Variants in ATAD2B observed in about 807,000 individuals in gnomAD.
The protein encoded by ATAD2B is ATPase family AAA domain-containing protein 2B.
In ATAD2B, 40 loss-of-function variants were observed where a neutral mutation model predicts 167.6. The ratio of observed to expected loss-of-function variants is 0.24; its 90% CI spans 0.19 to 0.31. The LOEUF is 0.31. ATAD2B is among the 10% of genes least tolerant of loss of function. The pLI is 1.00. For synonymous variants in ATAD2B, 579 were observed against 596.5 expected (o/e 0.97, Z 0.43); for missense variants, 1,242 against 1,757.2 (o/e 0.71, Z 5.24).
the ATAD2B span, among the ~76,000 whole-genome samples, chr2:23,699,052 T>C: frequency 1.3e-5 from 2 of 152,218 alleles, no homozygotes; most frequent in African/African-American, 2.4e-5. Flanking sequence ...ATAAGCTACA[T>C]ATCATTTGTC....
At chr2:23,886,602 T>C (rs1698688667) in intron 4 of ATAD2B, among the ~76,000 whole-genome samples, 1 of 152,122 alleles carries the variant, frequency 6.6e-6, no homozygotes, top group Non-Finnish European at 1.5e-5. Context: ...CTGGAAAGAC[T>C]CTTTTAGAAA....
chr2:23,713,617 C>T, the ATAD2B span, among the ~76,000 whole-genome samples: 1 of 152,158 alleles, frequency 6.6e-6, no homozygotes, highest in African/African-American at 2.4e-5. Flanking sequence ...TACTTTCTGT[C>T]TCTGTGGATT....
the ATAD2B span, chr2:23,696,382 C>G: frequency 1.3e-6 from 2 of 1,551,510 alleles, no homozygotes; most frequent in Admixed American, 3.9e-5. The surrounding 1 kb of genome is among the most constrained non-coding windows in gnomAD (Gnocchi z 5.5). Context: ...GCTACATGTC[C>G]CTGCTTGATA....
chr2:23,829,230 T>TC (rs1379804871), intron 14 of ATAD2B, among the ~76,000 whole-genome samples: 1 of 152,214 alleles, frequency 6.6e-6, no homozygotes, highest in Non-Finnish European at 1.5e-5. Context: ...ACTAAGTGAC[T>TC]CATCTGGGAC....
chr2:23,882,061 A>T (rs1290297862), intron 6 of ATAD2B, among the ~76,000 whole-genome samples: 1 of 152,170 alleles, frequency 6.6e-6, no homozygotes, highest in African/African-American at 2.4e-5. Flanking sequence ...ATCTAAGTAC[A>T]GTTAAAATAA....
chr2:23,768,097 CATT>C (rs1572672075), intron 22 of ATAD2B, among the ~76,000 whole-genome samples: 1 of 152,130 alleles, frequency 6.6e-6, no homozygotes, highest in South Asian at 2.1e-4. Flanking sequence ...CTGTAATCTG[CATT>C]ATTAACATAT....
chr2:23,824,479 CAACT>C (rs1221440397), intron 15 of ATAD2B, among the ~76,000 whole-genome samples: 2 of 152,108 alleles, frequency 1.3e-5, no homozygotes, highest in Admixed American at 1.3e-4. Flanking sequence ...TGAGTACAAC[CAACT>C]ATTAACATTC....
At chr2:23,788,404 C>T in intron 20 of ATAD2B, 108 bp downstream of exon 20, 2 of 1,249,830 alleles carry the variant, frequency 1.6e-6, no homozygotes, top group African/African-American at 1.5e-5. Context: ...CAGAACCTGA[C>T]AAACTGTCCT....
chr2:23,819,252 C>T (rs1416864973), intron 17 of ATAD2B, among the ~76,000 whole-genome samples: 2 of 152,116 alleles, frequency 1.3e-5, no homozygotes, highest in African/African-American at 4.8e-5. Flanking sequence ...AATCCCAGCA[C>T]TTCGGGAGTC....
At chr2:23,870,541 C>A (rs1695800488) in intron 8 of ATAD2B, among the ~76,000 whole-genome samples, 1 of 151,704 alleles carries the variant, frequency 6.6e-6, no homozygotes, top group Non-Finnish European at 1.5e-5. Flanking sequence ...CCACCTTGGC[C>A]TCCCAAAGTG....
chr2:23,776,487 A>G (rs1228200850), intron 22 of ATAD2B, among the ~76,000 whole-genome samples: 3 of 152,266 alleles, frequency 2.0e-5, no homozygotes, highest in Non-Finnish European at 4.4e-5. Flanking sequence ...TTATACACAG[A>G]GAATATTTAA....
intron 21 of ATAD2B, 109 bp downstream of exon 21, chr2:23,785,918 G>T: frequency 1.1e-6 from 1 of 923,168 alleles, no homozygotes; most frequent in Non-Finnish European, 1.6e-6. Context: ...ATAGGCTAGG[G>T]GTAATATTCA....
chr2:23,794,299 C>G (rs1682264036), intron 19 of ATAD2B, among the ~76,000 whole-genome samples: 2 of 152,216 alleles, frequency 1.3e-5, no homozygotes, highest in South Asian at 4.1e-4. Context: ...CATGGGCCAC[C>G]ACATCCAGCC....
chr2:23,876,970 G>A (rs1696946361), intron 7 of ATAD2B, among the ~76,000 whole-genome samples: 1 of 151,388 alleles, frequency 6.6e-6, no homozygotes, highest in Non-Finnish European at 1.5e-5. Flanking sequence ...GGGAGGCTGA[G>A]GCAGAAGAAT....
chr2:23,842,345 G>A (rs1691051789), intron 13 of ATAD2B, among the ~76,000 whole-genome samples: 1 of 151,928 alleles, frequency 6.6e-6, no homozygotes. Context: ...CTACTTGCAG[G>A]TTATAATAAA....
chr2:23,908,938 T>C (rs190968267), intron 1 of ATAD2B, among the ~76,000 whole-genome samples: 123 of 127,274 alleles, frequency 9.7e-4, no homozygotes, highest in African/African-American at 3.6e-3. Context: ...AATTGAACAA[T>C]GATAACACAT....
the ATAD2B span, among the ~76,000 whole-genome samples, chr2:23,712,212 G>T: frequency 1.3e-5 from 2 of 152,162 alleles, no homozygotes; most frequent in Non-Finnish European, 2.9e-5. Context: ...AGTCTGCCTG[G>T]AGTTTTTAAG....
At position 23,893,943 on chromosome 2, in the gene ATAD2B, C is replaced by A. The variant is rs80134098; in HGVS notation, c.368+1876G>T. On this transcript the variant is annotated intron_variant, in intron 2 of 27. Transcript: ENST00000238789. ...CCTCCCAAAGTTCTGGGATTACAGG[C>A]ATGAGCCACATGCCTGGCCTCAAAA... Among the ~76,000 whole-genome samples the A allele has an allele frequency of 9.5e-3, 1,447 of 152,150 alleles. 10 individuals carry two copies. The highest frequency in any genetic ancestry group is 0.022 in the South Asian group (105 of 4,808).
At chr2:23,797,782 C>T (rs1463104569) in intron 19 of ATAD2B, among the ~76,000 whole-genome samples, 1 of 152,118 alleles carries the variant, frequency 6.6e-6, no homozygotes, top group East Asian at 1.9e-4. Flanking sequence ...GTTTTGACTG[C>T]AACCCATCAC....
Sources: allele counts gnomAD v4.1 joint callset (sites outside exome capture counted in the v4.1 genomes callset), GRCh38; gene constraint gnomAD v4.1.1; non-coding constraint Gnocchi (gnomAD v3.1); transcripts MANE v1.5; gene names NCBI Gene and HGNC (gene_info 2026-07-23, HGNC 2026-07-21).